Variants in DCC observed in about 807,000 individuals in gnomAD.
DCC encodes the protein netrin receptor DCC.
DCC carries 58 observed loss-of-function variants against 172.5 expected under a neutral mutation model. That is an observed-to-expected ratio of 0.34 (90% CI 0.27 to 0.42). The LOEUF (loss-of-function observed/expected upper bound fraction) is 0.42. DCC is among the 10% of genes least tolerant of loss of function. The pLI is 1.00. For synonymous variants in DCC, 709 were observed against 644.5 expected (o/e 1.10, Z -1.52); for missense variants, 1,740 against 1,791.0 (o/e 0.97, Z 0.51).
intron 27 of DCC, among the ~76,000 whole-genome samples, chr18:53,512,473 C>A (rs1415166721): frequency 6.6e-6 from 1 of 150,540 alleles, no homozygotes. Context: ...ATGACTTTGA[C>A]GAGCTGAGAG....
chr18:52,622,604 C>T (rs1230434336), intron 1 of DCC, among the ~76,000 whole-genome samples: 1 of 152,116 alleles, frequency 6.6e-6, no homozygotes, highest in Non-Finnish European at 1.5e-5. Context: ...ACTTCCTTCA[C>T]CCCAAATATT....
rs1037779792 is a variant in DCC, at chr18:53,143,488, C to T, written c.1262-13868C>T. 2.0e-5 allele frequency among the ~76,000 whole-genome samples: 3 copies of T among 152,314 alleles called. No individual in the cohort carries two copies. In the East Asian group the frequency reaches 5.8e-4, roughly 29 times the overall value. ...CAGAACAGATAGTTTACGTGTTTGG[C>T]TCATGACATAGCTGGATGGCAGAGA... On this transcript the variant is annotated intron_variant, in intron 7 of 28. Transcript: ENST00000442544.
At chr18:52,915,314 AGTGTTTAGG>A (rs1175690306) in intron 3 of DCC, among the ~76,000 whole-genome samples, 3 of 152,036 alleles carry the variant, frequency 2.0e-5, no homozygotes, top group East Asian at 3.9e-4. Context: ...AATTGTAAGG[AGTGTTTAGG>A]GTCCCAGGTT....
At chr18:52,840,054 C>A (rs1037588789) in intron 2 of DCC, among the ~76,000 whole-genome samples, 4 of 152,110 alleles carry the variant, frequency 2.6e-5, no homozygotes, top group Non-Finnish European at 4.4e-5. Flanking sequence ...TCCAGTGGGC[C>A]CCAGTTACTT....
At chr18:53,507,980 G>A (rs1189807182) in intron 27 of DCC, among the ~76,000 whole-genome samples, 1 of 136,988 alleles carries the variant, frequency 7.3e-6, no homozygotes, top group African/African-American at 2.8e-5. Context: ...TGCAAGCTCT[G>A]CCTCCGGGGT....
At chr18:53,224,113 A>G (rs570553345) in intron 12 of DCC, among the ~76,000 whole-genome samples, 1 of 152,214 alleles carries the variant, frequency 6.6e-6, no homozygotes, top group Admixed American at 6.6e-5. Flanking sequence ...TAAACAAATT[A>G]ACAATTGACA....
chr18:53,364,918 C>T (rs1188786656), intron 15 of DCC, among the ~76,000 whole-genome samples: 2 of 152,096 alleles, frequency 1.3e-5, no homozygotes, highest in Non-Finnish European at 2.9e-5. Flanking sequence ...TAGATCCTTA[C>T]CACGATGTTT....
At chr18:52,698,755 C>A (rs981690716) in intron 1 of DCC, among the ~76,000 whole-genome samples, 11 of 134,560 alleles carry the variant, frequency 8.2e-5, no homozygotes, top group Non-Finnish European at 1.2e-4. Flanking sequence ...CCCGCCACCA[C>A]GCCTGGCTAT....
intron 1 of DCC, among the ~76,000 whole-genome samples, chr18:52,702,040 G>T (rs1374831663): frequency 6.6e-6 from 1 of 152,112 alleles, no homozygotes; most frequent in African/African-American, 2.4e-5. Context: ...TATAAGCCCT[G>T]GGGGGTAATG....
intron 7 of DCC, among the ~76,000 whole-genome samples, chr18:53,136,232 CACAT>C (rs1222900084): frequency 4.0e-5 from 5 of 126,476 alleles, no homozygotes; most frequent in African/African-American, 1.3e-4. Context: ...CACACACACA[CACAT>C]ACATGCATAT....
intron 1 of DCC, among the ~76,000 whole-genome samples, chr18:52,383,120 T>G (rs896132179): frequency 1.3e-5 from 2 of 152,128 alleles, no homozygotes; most frequent in African/African-American, 4.8e-5. Context: ...TTACACCTGA[T>G]ACATCCCTTA....
At chr18:53,331,355 C>G (rs544372259) in intron 14 of DCC, among the ~76,000 whole-genome samples, 1 of 152,144 alleles carries the variant, frequency 6.6e-6, no homozygotes, top group African/African-American at 2.4e-5. Flanking sequence ...CCTCCCCATA[C>G]AGAATAAGGT....
At chr18:52,570,690 G>A (rs1425757123) in intron 1 of DCC, among the ~76,000 whole-genome samples, 1 of 152,098 alleles carries the variant, frequency 6.6e-6, no homozygotes, top group Non-Finnish European at 1.5e-5. Context: ...GCAGCAGTTT[G>A]GTCTCATGAT....
chr18:52,459,621 C>A (rs1223357437), intron 1 of DCC, among the ~76,000 whole-genome samples: 1 of 151,990 alleles, frequency 6.6e-6, no homozygotes, highest in Non-Finnish European at 1.5e-5. Flanking sequence ...GTGCCCGCCA[C>A]CACGCCCGGC....
intron 26 of DCC, among the ~76,000 whole-genome samples, chr18:53,497,651 C>A (rs1411425851): frequency 6.6e-6 from 1 of 152,220 alleles, no homozygotes; most frequent in Non-Finnish European, 1.5e-5. Context: ...TGTTTGAATA[C>A]AAGCACACAA....
intron 1 of DCC, among the ~76,000 whole-genome samples, chr18:52,495,785 A>G (rs982438671): frequency 6.7e-5 from 10 of 148,786 alleles, no homozygotes; most frequent in African/African-American, 2.2e-4. Context: ...TTTTTTAGCA[A>G]TTTGGAGTGT....
rs139976043 is a variant in DCC, at chr18:53,157,482, C to T, written c.1388C>T (p.Thr463Met). 1.0e-4 allele frequency: 161 copies of T among 1,614,108 alleles called. No individual in the cohort carries two copies. Among genetic ancestry groups the T allele is most frequent in the African/African-American group, 9.7e-4 (73 of 75,044 alleles). The change falls in exon 8 of 29, where the codon ACG becomes ATG. Residue 463 changes from threonine (T) to methionine (M), a missense_variant. By Grantham distance (81) the Thr-to-Met change is moderately conservative. Transcript: ENST00000442544. ...AEAKGNIQTF[T>M]VFFSREGDNR... ...GCGAAAGGGAACATTCAAACTTTCA[C>T]GGTCTTTTTCTCCAGAGAAGGTGAC... is the stretch of plus-strand genomic sequence containing the variant.
intron 1 of DCC, among the ~76,000 whole-genome samples, chr18:52,709,446 G>A (rs1568055824): frequency 6.6e-6 from 1 of 152,234 alleles, no homozygotes; most frequent in East Asian, 1.9e-4. Context: ...CCTATCACAG[G>A]GGCATGGCTC....
intron 8 of DCC, among the ~76,000 whole-genome samples, chr18:53,174,856 A>T (rs1413841507): frequency 1.3e-5 from 2 of 152,062 alleles, no homozygotes; most frequent in Non-Finnish European, 2.9e-5. Flanking sequence ...TACCAAAGCC[A>T]GGCAGAGACA....
Sources: gnomAD v4.1 joint callset for allele counts (sites outside exome capture counted in the v4.1 genomes callset) on GRCh38, gnomAD v4.1.1 for gene constraint, MANE v1.5 for transcripts, NCBI Gene and HGNC (gene_info 2026-07-23, HGNC 2026-07-21) for gene names.